ZNF704: variants seen among roughly 807,000 people sequenced by gnomAD.
ZNF704 encodes the protein zinc finger protein 704.
ZNF704 carries 10 observed loss-of-function variants against 44.7 expected under a neutral mutation model. The ratio of observed to expected loss-of-function variants is 0.22; its 90% CI spans 0.14 to 0.38. The LOEUF is 0.38. Ranked by LOEUF, ZNF704 falls within the 10% of genes least tolerant of loss-of-function variation. The pLI is 1.00. For missense variants in ZNF704, 390 were observed against 545.5 expected, an observed-to-expected ratio of 0.71 and a Z score of 2.84; for synonymous variants, 211 against 207.6, an observed-to-expected ratio of 1.02 and a Z score of -0.14.
At chr8:80,651,503 C>T (rs1161053064) in intron 7 of ZNF704, among the ~76,000 whole-genome samples, 13 of 152,154 alleles carry the variant, frequency 8.5e-5, no homozygotes, top group African/African-American at 2.9e-4. Context: ...CAAAAAAAGG[C>T]AGGGGTTGCA....
chr8:80,739,866 G>T (rs1440886980), intron 2 of ZNF704, among the ~76,000 whole-genome samples: 1 of 152,086 alleles, frequency 6.6e-6, no homozygotes, highest in East Asian at 1.9e-4. Flanking sequence ...TCACTGGAAG[G>T]CCCACTGCCC....
intron 7 of ZNF704, among the ~76,000 whole-genome samples, chr8:80,659,383 A>G (rs1273546587): frequency 6.6e-6 from 1 of 152,202 alleles, no homozygotes; most frequent in Non-Finnish European, 1.5e-5. Context: ...AAACTCTCTT[A>G]TAGTTTTCTG....
chr8:80,798,107 G>A (rs191507191), intron 2 of ZNF704, among the ~76,000 whole-genome samples: 8 of 152,034 alleles, frequency 5.3e-5, no homozygotes, highest in East Asian at 1.9e-4. Context: ...TACAGTAGGT[G>A]TATTAAGTTC....
At chr8:80,883,263 A>G in the ZNF704 span, among the ~76,000 whole-genome samples, 1 of 150,228 alleles carries the variant, frequency 6.7e-6, no homozygotes, top group Admixed American at 6.6e-5. Context: ...AAAAAAAAAA[A>G]AAGAAAGAAA....
At chr8:80,714,362 G>C (rs779117597) in intron 2 of ZNF704, among the ~76,000 whole-genome samples, 3 of 152,172 alleles carry the variant, frequency 2.0e-5, no homozygotes, top group Admixed American at 6.5e-5. Flanking sequence ...CAAAAGTTTT[G>C]CCTCTTCTGA....
Position 80,643,097 on chromosome 8 carries a change from T to A in ZNF704, c.1065A>T (p.Gly355=). The change falls in exon 8 of 9, where the codon GGA becomes GGT. Residue 355 remains glycine (G), a synonymous_variant. Transcript: ENST00000327835. ...CCGTGTGCGCATGCTGTCTCTGCTC[T>A]CCTGTGCCCACCGGATGATGTGTGG... is the stretch of plus-strand genomic sequence containing the variant. ...VSPTHHPVGT[G]EQRQHAHTVL... 6.2e-7 allele frequency: 1 copy of A among 1,607,040 alleles called. No individual in the cohort carries two copies. The highest frequency in any genetic ancestry group is 8.5e-7 in the Non-Finnish European group (1 of 1,176,784).
intron 2 of ZNF704, among the ~76,000 whole-genome samples, chr8:80,753,889 G>A (rs534790238): frequency 1.3e-4 from 20 of 152,294 alleles, no homozygotes; most frequent in Non-Finnish European, 2.2e-4. Flanking sequence ...GACCCCATGA[G>A]AGATGCTCTC....
Position 80,756,567 on chromosome 8 carries a change from T to G in ZNF704, c.222-63460A>C, listed in dbSNP as rs564881716. Among the ~76,000 whole-genome samples, 14 of 152,354 alleles carry G rather than the reference T, an allele frequency of 9.2e-5. No individual in the cohort carries two copies. The East Asian group carries it at 2.7e-3, about 29-fold the overall frequency. ...GGTTGTTTGGAACAATTTCTGTATA[T>G]GCACTTCTAGTTGTCACAATACCTA... is the stretch of plus-strand genomic sequence containing the variant. On this transcript the variant is annotated intron_variant, in intron 2 of 8. Transcript: ENST00000327835.
chr8:80,687,003 C>T (rs910132507), intron 4 of ZNF704, among the ~76,000 whole-genome samples: 4 of 152,230 alleles, frequency 2.6e-5, no homozygotes, highest in South Asian at 2.1e-4. Context: ...GGATGGGATA[C>T]GTGTGTATAT....
At chr8:80,691,550 C>T (rs1408264052) in intron 3 of ZNF704, among the ~76,000 whole-genome samples, 1 of 152,214 alleles carries the variant, frequency 6.6e-6, no homozygotes, top group Non-Finnish European at 1.5e-5. Flanking sequence ...TTTCCCACTG[C>T]CAATCCCTTG....
chr8:80,780,181 A>T (rs1179340677), intron 2 of ZNF704, among the ~76,000 whole-genome samples: 1 of 152,172 alleles, frequency 6.6e-6, no homozygotes, highest in Non-Finnish European at 1.5e-5. Context: ...GTGTGGCTGG[A>T]GGGCAAGGTA....
Position 80,637,442 on chromosome 8 carries a change from G to A in ZNF704, c.*3924C>T, listed in dbSNP as rs1817679920. 6.6e-6 allele frequency: 1 copy of A among 152,198 alleles called. No homozygotes were observed. Among genetic ancestry groups the A allele is most frequent in the Admixed American group, 6.5e-5 (1 of 15,280 alleles). 9.4% of individuals were successfully genotyped at this position (152,198 alleles called of 1,614,324 possible). ...ATGCTGCACTTTGGAGTCTGATGAA[G>A]GGGGAACATGGATTCAGCAGTGCCA... is the stretch of plus-strand genomic sequence containing the variant. On this transcript the variant is annotated 3_prime_UTR_variant, in exon 9 of 9. Coordinates refer to ENST00000327835, the MANE Select transcript of ZNF704 (RefSeq NM_001033723.3).
chr8:80,859,153 A>G (rs146554765), intron 1 of ZNF704, among the ~76,000 whole-genome samples: 1 of 152,214 alleles, frequency 6.6e-6, no homozygotes, highest in Non-Finnish European at 1.5e-5. Context: ...AATATTTAGG[A>G]TTTTTATGTC....
chr8:80,730,677 T>G (rs1412662807), intron 2 of ZNF704, among the ~76,000 whole-genome samples: 1 of 151,946 alleles, frequency 6.6e-6, no homozygotes, highest in African/African-American at 2.4e-5. Flanking sequence ...TCTCCAATGG[T>G]GGGAGCATCT....
At position 80,772,120 on chromosome 8, in the gene ZNF704, C is replaced by T. The variant is rs146558816; in HGVS notation, c.221+49254G>A. 4.6e-5 allele frequency among the ~76,000 whole-genome samples: 7 copies of T among 152,148 alleles called. 1 individual carries two copies. The highest frequency in any genetic ancestry group is 8.8e-5 in the Non-Finnish European group (6 of 68,008). ...TTTATATATTGCTGAATTCTATTTG[C>T]CAATATGTTACGAATTTTTGAATCT... On this transcript the variant is annotated intron_variant, in intron 2 of 8. Coordinates refer to ENST00000327835, the MANE Select transcript of ZNF704 (RefSeq NM_001033723.3).
intron 6 of ZNF704, among the ~76,000 whole-genome samples, chr8:80,662,360 G>A (rs2131607432): frequency 6.6e-6 from 1 of 152,226 alleles, no homozygotes; most frequent in South Asian, 2.1e-4. Flanking sequence ...ATATTTCTAA[G>A]TTTATGCTTT....
intron 1 of ZNF704, among the ~76,000 whole-genome samples, chr8:80,862,360 G>A (rs180880512): frequency 6.6e-6 from 1 of 152,080 alleles, no homozygotes; most frequent in Admixed American, 6.5e-5. Context: ...GTGCTAGAGT[G>A]CAAGAAAAAT....
intron 2 of ZNF704, among the ~76,000 whole-genome samples, chr8:80,761,604 T>G (rs1807132081): frequency 6.6e-6 from 1 of 152,214 alleles, no homozygotes; most frequent in Non-Finnish European, 1.5e-5. Context: ...CTTGAGACAT[T>G]TATTTACATT....
At chr8:80,861,237 G>A (rs1167255075) in intron 1 of ZNF704, among the ~76,000 whole-genome samples, 1 of 152,148 alleles carries the variant, frequency 6.6e-6, no homozygotes, top group Middle Eastern at 3.2e-3. Context: ...AACTGCAGAA[G>A]ACAACCCCCT....
Sources: allele counts gnomAD v4.1 joint callset (sites outside exome capture counted in the v4.1 genomes callset), GRCh38; gene constraint gnomAD v4.1.1; transcripts MANE v1.5; gene names NCBI Gene and HGNC (gene_info 2026-07-23, HGNC 2026-07-21).